Variants in C9orf72 observed in about 807,000 individuals in gnomAD.
C9orf72 encodes guanine nucleotide exchange factor C9orf72.
A neutral mutation model predicts 51.6 loss-of-function variants in C9orf72; 44 were observed. The observed-to-expected ratio is 0.85, with a 90% CI of 0.67 to 1.10. The LOEUF is 1.10. Among genes scored for constraint, C9orf72 ranks in the 50% least tolerant of loss-of-function variants. The pLI is 0.00. For missense variants in C9orf72, 607 were observed against 570.6 expected (o/e 1.06, Z -0.65); for synonymous variants, 213 against 194.2 (o/e 1.10, Z -0.81).
chr9:27,565,398 T>C lies in C9orf72; in HGVS notation c.504+133A>G, dbSNP rs903153467. On this transcript the variant is annotated intron_variant, in intron 3 of 10. Transcript: ENST00000380003. ...GATATGGAAATCTTCCTCCAGTTTA[T>C]TCTGTACACCTCCATAAAAGCTCCA... is the stretch of plus-strand genomic sequence containing the variant. 1.9e-5 allele frequency: 9 copies of C among 476,728 alleles called. No homozygotes were observed. The East Asian group carries it at 2.8e-4, about 15-fold the overall frequency. The allele number at this position is 476,728 out of a possible 1,614,324, so 29.5% of individuals were successfully genotyped here.
intron 1 of C9orf72, among the ~76,000 whole-genome samples, 191 bp downstream of exon 1, chr9:27,573,234 GGGAAGC>G: frequency 6.6e-6 from 1 of 152,028 alleles, no homozygotes; most frequent in African/African-American, 2.4e-5. Flanking sequence ...CGCCGCCGCC[GGGAAGC>G]CCGGGGCCCG....
chr9:27,548,185 A>T lies in C9orf72; in HGVS notation c.*51T>A. The T allele has an allele frequency of 7.0e-7, 1 of 1,426,158 alleles. No homozygotes were observed. The highest frequency in any genetic ancestry group is 9.7e-7 in the Non-Finnish European group (1 of 1,033,762). The allele number at this position is 1,426,158 out of a possible 1,614,324, so 88.3% of individuals were successfully genotyped here. A position where few individuals can be genotyped will look rare whatever the true frequency, so the allele number is the denominator to read the frequency against. Reference sequence around the variant, plus strand: ...GAACGTTTCCCCACACCACTGAGCTACTTTACCAGCGATCATGATTGTGAT... The same window carrying T: ...GAACGTTTCCCCACACCACTGAGCTTCTTTACCAGCGATCATGATTGTGAT... On this transcript the variant is annotated 3_prime_UTR_variant, in exon 11 of 11. Coordinates refer to ENST00000380003, the MANE Select transcript of C9orf72 (RefSeq NM_018325.5).
intron 8 of C9orf72, among the ~76,000 whole-genome samples, chr9:27,552,485 A>G (rs1820928269): frequency 6.7e-6 from 1 of 149,190 alleles, no homozygotes; most frequent in Non-Finnish European, 1.5e-5. Context: ...AATAGCTGGG[A>G]CTATAGGTGC....
At chr9:27,573,740 C>T (rs1819653767), upstream of C9orf72, 1 of 152,326 alleles carries the variant, frequency 6.6e-6, no homozygotes, top group South Asian at 2.1e-4. Flanking sequence ...TTGCTAGACC[C>T]CGCCCCCAAA....
At chr9:27,571,901 T>G (rs1007416677) in intron 1 of C9orf72, among the ~76,000 whole-genome samples, 1 of 152,216 alleles carries the variant, frequency 6.6e-6, no homozygotes, top group East Asian at 1.9e-4. Flanking sequence ...TCACAACACT[T>G]TCTCAATCTT....
chr9:27,558,784 T>C (rs1014311272), intron 6 of C9orf72, 177 bp from the exon 7 acceptor site: 2 of 479,394 alleles, frequency 4.2e-6, no homozygotes, highest in Non-Finnish European at 7.3e-6. Flanking sequence ...ATAGGGATTC[T>C]GTGGTCAAAT....
At chr9:27,572,559 T>C (rs1029862175) in intron 1 of C9orf72, among the ~76,000 whole-genome samples, 3 of 151,974 alleles carry the variant, frequency 2.0e-5, no homozygotes, top group Non-Finnish European at 4.4e-5. Flanking sequence ...ACTGTTTGAA[T>C]AGAAATTTAC....
At chr9:27,549,895 G>C (rs1820871703) in intron 9 of C9orf72, among the ~76,000 whole-genome samples, 1 of 151,312 alleles carries the variant, frequency 6.6e-6, no homozygotes, top group African/African-American at 2.4e-5. Context: ...CCATTAATAA[G>C]TCAAAAGGAA....
intron 7 of C9orf72, among the ~76,000 whole-genome samples, chr9:27,557,778 A>G (rs938608290): frequency 5.3e-5 from 8 of 152,034 alleles, no homozygotes; most frequent in Admixed American, 3.9e-4. Flanking sequence ...AAAATGCACA[A>G]AAGCCTAATA....
Position 27,547,464 on chromosome 9 carries a change from C to T in C9orf72, c.*772G>A, listed in dbSNP as rs1415843941. On this transcript the variant is annotated 3_prime_UTR_variant, in exon 11 of 11. Transcript: ENST00000380003. ...ACAGGAGGTGCACATTTCAATTTGG[C>T]TCAAAAATAATGAAAATTAATTTAA... 6.6e-6 allele frequency: 1 copy of T among 152,532 alleles called. No homozygotes were observed. Among genetic ancestry groups the T allele is most frequent in the Non-Finnish European group, 1.5e-5 (1 of 68,026 alleles). The allele number at this position is 152,532 out of a possible 1,614,324, so 9.4% of individuals were successfully genotyped here. A position where few individuals can be genotyped will look rare whatever the true frequency, so the allele number is the denominator to read the frequency against.
At chr9:27,564,965 G>A (rs1260621282) in intron 3 of C9orf72, among the ~76,000 whole-genome samples, 2 of 152,184 alleles carry the variant, frequency 1.3e-5, no homozygotes, top group Admixed American at 1.3e-4. Context: ...CTGTTCCTGA[G>A]GGGCATTCAA....
In C9orf72 at chr9:27,556,688, G is replaced by A; in HGVS notation, c.964C>T (p.His322Tyr). ...CTACGCTGATTATAAATATGTTCAT[G>A]ACAGGGTGGCATCTGCTTCACAGTA... ...VNTVKQMPPCHEHIYNQRRYM... is the reference protein window; with the variant it reads ...VNTVKQMPPCYEHIYNQRRYM... The change falls in exon 8 of 11, where the codon CAT becomes TAT. Residue 322 changes from histidine to tyrosine, a missense_variant. His to Tyr is a moderately conservative substitution (Grantham distance 83). Transcript: ENST00000380003. The A allele has an allele frequency of 6.2e-7, 1 of 1,613,894 alleles. No homozygotes were observed. The highest frequency in any genetic ancestry group is 1.1e-5 in the South Asian group (1 of 91,076).
intron 1 of C9orf72, among the ~76,000 whole-genome samples, chr9:27,569,562 GAC>G (rs1330951258): frequency 1.3e-5 from 2 of 152,220 alleles, no homozygotes; most frequent in African/African-American, 4.8e-5. Flanking sequence ...AGGAGCAACA[GAC>G]TATACCATAC....
At chr9:27,573,012 G>A (rs1303556085) in intron 1 of C9orf72, among the ~76,000 whole-genome samples, 1 of 152,126 alleles carries the variant, frequency 6.6e-6, no homozygotes, top group Non-Finnish European at 1.5e-5. Flanking sequence ...GGTTCCTAGC[G>A]AACCCCGACT....
chr9:27,558,967 T>C (rs1819274307), intron 6 of C9orf72: 1 of 157,236 alleles, frequency 6.4e-6, no homozygotes, highest in African/African-American at 2.4e-5. Context: ...AAATTCGTTG[T>C]AAGAAATATC....
chr9:27,565,581 C>G lies in C9orf72; in HGVS notation c.454G>C (p.Glu152Gln). ...GRIWMHKERQENVQKIILEGT... is the reference protein window; with the variant it reads ...GRIWMHKERQQNVQKIILEGT... ...TCTAAGATAATCTTCTGGACATTTT[C>G]TTGTCTTTCCTGAGCAAGAGAAAAT... Residue 152 changes from glutamate (E) to glutamine (Q), a missense_variant, in exon 3 of 11, where the codon GAA (glutamate) becomes CAA (glutamine). By Grantham distance (29) the Glu-to-Gln change is conservative (BLOSUM62 2). Coordinates refer to ENST00000380003, the MANE Select transcript of C9orf72 (RefSeq NM_018325.5). 1 of 1,601,840 alleles carries G rather than the reference C, an allele frequency of 6.2e-7. No homozygotes were observed. Among genetic ancestry groups the G allele is most frequent in the Non-Finnish European group, 8.5e-7 (1 of 1,172,408 alleles).
chr9:27,548,774 C>G (rs1236617415), intron 9 of C9orf72, 108 bp from the exon 10 acceptor site: 4 of 642,660 alleles, frequency 6.2e-6, no homozygotes, highest in African/African-American at 3.6e-5. Context: ...CACTAAACAT[C>G]TCCTTAACCA....
intron 1 of C9orf72, 84 bp from the exon 2 acceptor site, chr9:27,567,248 G>T: frequency 2.5e-6 from 2 of 807,182 alleles, no homozygotes; most frequent in Non-Finnish European, 1.9e-6. Context: ...AGACATATTT[G>T]GTTTGTCCTC....
chr9:27,551,211 T>C (rs1820900114), intron 8 of C9orf72, among the ~76,000 whole-genome samples: 1 of 152,044 alleles, frequency 6.6e-6, no homozygotes, highest in Non-Finnish European at 1.5e-5. Flanking sequence ...ATCCACTGGG[T>C]TTGCCTCAAC....
Sources: gnomAD v4.1 joint callset for allele counts (sites outside exome capture counted in the v4.1 genomes callset) on GRCh38, gnomAD v4.1.1 for gene constraint, MANE v1.5 for transcripts, NCBI Gene and HGNC (gene_info 2026-07-23, HGNC 2026-07-21) for gene names.